The following ADAMTS3 variants were observed in gnomAD, a reference collection of about 807,000 sequenced individuals.
The protein encoded by ADAMTS3 is A disintegrin and metalloproteinase with thrombospondin motifs 3.
In ADAMTS3, 73 loss-of-function variants were observed where a neutral mutation model predicts 129.0. The observed-to-expected ratio is 0.57, with a 90% confidence interval of 0.47 to 0.69. ADAMTS3 has a LOEUF of 0.69. ADAMTS3 is among the 30% of genes least tolerant of loss of function. The pLI is 0.00. For synonymous variants in ADAMTS3, 477 were observed against 510.8 expected (o/e 0.93, Z 0.89); for missense variants, 1,457 against 1,514.5 (o/e 0.96, Z 0.63).
intron 3 of ADAMTS3, among the ~76,000 whole-genome samples, chr4:72,466,406 C>T (rs1381949012): frequency 6.6e-6 from 1 of 152,010 alleles, no homozygotes; most frequent in Non-Finnish European, 1.5e-5. Flanking sequence ...AATCTAACTG[C>T]TGTTTGGAGA....
intron 3 of ADAMTS3, among the ~76,000 whole-genome samples, chr4:72,432,745 A>G (rs1402447027): frequency 1.3e-5 from 2 of 151,696 alleles, no homozygotes; most frequent in Non-Finnish European, 2.9e-5. Flanking sequence ...TCAAGGACCA[A>G]TAATAAAACA....
chr4:72,351,544 T>G (rs1041863168), intron 4 of ADAMTS3, among the ~76,000 whole-genome samples: 1 of 143,144 alleles, frequency 7.0e-6, no homozygotes, highest in Non-Finnish European at 1.5e-5. Context: ...TGAGTAGCAT[T>G]TAGGAAATTT....
At chr4:72,423,751 G>A (rs145421433) in intron 3 of ADAMTS3, among the ~76,000 whole-genome samples, 1,662 of 152,188 alleles carry the variant, frequency 0.011, 9 homozygotes, top group Middle Eastern at 0.02. Context: ...TAAAGTGGTT[G>A]AGAAGGGCTG....
intron 11 of ADAMTS3, among the ~76,000 whole-genome samples, chr4:72,314,724 A>G (rs1719344369): frequency 6.6e-6 from 1 of 152,192 alleles, no homozygotes; most frequent in Admixed American, 6.5e-5. Flanking sequence ...GAATTTTCCC[A>G]AAGCAAAACA....
chr4:72,517,026 T>C (rs1305316560), intron 3 of ADAMTS3, among the ~76,000 whole-genome samples: 2 of 152,200 alleles, frequency 1.3e-5, no homozygotes, highest in Non-Finnish European at 2.9e-5. Context: ...ACCTAATTTA[T>C]TGAGAGTTTT....
chr4:72,421,028 T>C (rs1382355566), intron 3 of ADAMTS3, among the ~76,000 whole-genome samples: 1 of 152,194 alleles, frequency 6.6e-6, no homozygotes, highest in Non-Finnish European at 1.5e-5. Flanking sequence ...GAAAAGTTCA[T>C]AAAGAGATTT....
At chr4:72,323,656 T>C (rs904117817) in intron 5 of ADAMTS3, among the ~76,000 whole-genome samples, 1 of 152,002 alleles carries the variant, frequency 6.6e-6, no homozygotes, top group Non-Finnish European at 1.5e-5. Context: ...AAGATAGAAA[T>C]CCTCCAATAT....
Position 72,478,059 on chromosome 4 carries a change from C to T in ADAMTS3, c.505-63088G>A, listed in dbSNP as rs923483838. Among the ~76,000 whole-genome samples the T allele has an allele frequency of 3.3e-5, 5 of 152,200 alleles. No homozygotes were observed. The East Asian group carries it at 5.8e-4, about 18-fold the overall frequency. On this transcript the variant is annotated intron_variant, in intron 3 of 21. Coordinates refer to ENST00000286657, the MANE Select transcript of ADAMTS3 (RefSeq NM_014243.3). ...ATTGTGGCAATAATCAATAGCTTAC[C>T]AACCAAAAAGAGTCCAGGACCAGAT...
chr4:72,374,645 A>T (rs1307142368), intron 4 of ADAMTS3, among the ~76,000 whole-genome samples: 1 of 152,164 alleles, frequency 6.6e-6, no homozygotes, highest in Non-Finnish European at 1.5e-5. Context: ...TCCTGTCCAC[A>T]TTGGTGGATT....
chr4:72,477,596 T>G (rs982988358), intron 3 of ADAMTS3, among the ~76,000 whole-genome samples: 1 of 151,286 alleles, frequency 6.6e-6, no homozygotes. Context: ...GCAGGAAAGA[T>G]CCAAAATTGA....
chr4:72,285,178 A>C (rs78514296), intron 21 of ADAMTS3, among the ~76,000 whole-genome samples: 1,558 of 152,354 alleles, frequency 0.01, 26 homozygotes, highest in African/African-American at 0.035. Context: ...CCAATAGAGG[A>C]CTAAAATTAC....
chr4:72,483,544 C>G (rs1486559429), intron 3 of ADAMTS3, among the ~76,000 whole-genome samples: 1 of 152,026 alleles, frequency 6.6e-6, no homozygotes, highest in African/African-American at 2.4e-5. Flanking sequence ...TTCATTTGTC[C>G]CCAAGATAAC....
At chr4:72,382,900 G>T (rs1439449140) in intron 4 of ADAMTS3, among the ~76,000 whole-genome samples, 1 of 152,124 alleles carries the variant, frequency 6.6e-6, no homozygotes, top group African/African-American at 2.4e-5. Flanking sequence ...GAAAGCAAGG[G>T]TTGCAAAACT....
chr4:72,399,256 C>T (rs1578645642), intron 4 of ADAMTS3, among the ~76,000 whole-genome samples: 1 of 151,840 alleles, frequency 6.6e-6, no homozygotes. Flanking sequence ...ATAGTGAGAC[C>T]TCATCTCTAC....
At chr4:72,329,041 G>T (rs10013120) in intron 5 of ADAMTS3, among the ~76,000 whole-genome samples, 151,431 of 152,310 alleles carry the variant, frequency 0.99, 75,285 homozygotes, top group East Asian at 1. Flanking sequence ...CTACTGTTTA[G>T]TGATATACTC....
intron 20 of ADAMTS3, 134 bp downstream of exon 20, chr4:72,290,721 C>G: frequency 1.1e-6 from 1 of 939,980 alleles, no homozygotes; most frequent in Non-Finnish European, 1.6e-6. Context: ...TTCCTAACAC[C>G]TCCAGGTAAT....
chr4:72,410,807 A>C (rs957398527), intron 4 of ADAMTS3, among the ~76,000 whole-genome samples: 3 of 152,072 alleles, frequency 2.0e-5, no homozygotes, highest in African/African-American at 7.2e-5. Context: ...AAAGAGTTTC[A>C]AAATGTCATT....
At chr4:72,529,322 T>C (rs1033060735) in intron 3 of ADAMTS3, among the ~76,000 whole-genome samples, 51 of 152,024 alleles carry the variant, frequency 3.4e-4, no homozygotes, top group African/African-American at 1.2e-3. Flanking sequence ...TGGGAACTGT[T>C]AGAAATGCAA....
chr4:72,339,688 C>A lies in ADAMTS3; in HGVS notation c.667G>T (p.Asp223Tyr). Residue 223 changes from aspartate to tyrosine, a missense_variant, in exon 5 of 22, where the codon GAC becomes TAC. Physicochemically the swap from Asp to Tyr is radical, Grantham distance 160. Transcript: ENST00000286657. Reference protein sequence around the residue: ...MSKDFHYRESDLEGLDDLGTV... With the variant: ...MSKDFHYRESYLEGLDDLGTV... ...CCTAGATCATCAAGGCCTTCCAGGT[C>A]CGACTCTAATAAGAGACAAAAGGAA... 3 of 1,613,666 alleles carry A rather than the reference C, an allele frequency of 1.9e-6. No homozygotes were observed. Among genetic ancestry groups the A allele is most frequent in the Non-Finnish European group, 2.5e-6 (3 of 1,179,736 alleles).
Sources: allele counts gnomAD v4.1 joint callset (sites outside exome capture counted in the v4.1 genomes callset), GRCh38; gene constraint gnomAD v4.1.1; transcripts MANE v1.5; gene names NCBI Gene and HGNC (gene_info 2026-07-23, HGNC 2026-07-21).